The following RPAP2 variants were observed in gnomAD, a reference collection of about 807,000 sequenced individuals.
RPAP2 encodes putative RNA polymerase II subunit B1 CTD phosphatase RPAP2.
A neutral mutation model predicts 73.1 loss-of-function variants in RPAP2; 52 were observed. The ratio of observed to expected loss-of-function variants is 0.71; its 90% confidence interval spans 0.57 to 0.90. RPAP2 has a LOEUF of 0.90. Ranked by LOEUF, RPAP2 falls within the 40% of genes least tolerant of loss-of-function variation. The pLI is 0.00. For missense variants in RPAP2, 598 were observed against 701.8 expected, an observed-to-expected ratio of 0.85 and a Z score of 1.67; for synonymous variants, 225 against 242.1, an observed-to-expected ratio of 0.93 and a Z score of 0.65.
chr1:92,303,525 CAAT>C (rs879513351), intron 3 of RPAP2, among the ~76,000 whole-genome samples: 6 of 152,082 alleles, frequency 3.9e-5, no homozygotes, highest in Non-Finnish European at 7.4e-5. Context: ...TCTGCAGTAA[CAAT>C]GACACTTTTG....
At chr1:92,345,938 C>T in intron 11 of RPAP2, 24 bp downstream of exon 11, 1 of 1,470,720 alleles carries the variant, frequency 6.8e-7, no homozygotes, top group East Asian at 2.3e-5. Flanking sequence ...CAGATTTTAA[C>T]TCTAAATACT....
rs1429108232 is a variant in RPAP2 at position 92,401,575 on chromosome 1, T to C, written c.*14564T>C. The C allele has an allele frequency of 6.6e-6, 1 of 152,206 alleles. No homozygotes were observed. The highest frequency in any genetic ancestry group is 1.9e-4 in the East Asian group (1 of 5,194). 9.4% of individuals were successfully genotyped at this position (152,206 alleles called of 1,614,324 possible). A position where few individuals can be genotyped will look rare whatever the true frequency, so the allele number is the denominator to read the frequency against. Reference sequence around the variant, plus strand: ...CCTTCAGAACAATACTGGATATAAGTGGTGAAAGCACATATCCTCCCCTTG... The same window carrying C: ...CCTTCAGAACAATACTGGATATAAGCGGTGAAAGCACATATCCTCCCCTTG... On this transcript the variant is annotated 3_prime_UTR_variant, in exon 13 of 13. Coordinates refer to ENST00000610020, the MANE Select transcript of RPAP2 (RefSeq NM_024813.3).
intron 11 of RPAP2, among the ~76,000 whole-genome samples, chr1:92,358,271 G>T (rs893869386): frequency 6.6e-6 from 1 of 151,838 alleles, no homozygotes; most frequent in Non-Finnish European, 1.5e-5. Flanking sequence ...CTCCCATTCC[G>T]GTCACTCTGA....
chr1:92,352,885 T>C (rs914020174), intron 11 of RPAP2, among the ~76,000 whole-genome samples: 3 of 152,194 alleles, frequency 2.0e-5, no homozygotes, highest in African/African-American at 7.2e-5. Flanking sequence ...CTGGCAACCA[T>C]AAATCCATTC....
intron 8 of RPAP2, among the ~76,000 whole-genome samples, chr1:92,330,017 C>G (rs1652866828): frequency 6.6e-6 from 1 of 152,128 alleles, no homozygotes; most frequent in South Asian, 2.1e-4. Context: ...CCCTAGACCT[C>G]AAGGAAAAAG....
intron 11 of RPAP2, among the ~76,000 whole-genome samples, chr1:92,377,924 T>C (rs1349511006): frequency 6.6e-6 from 1 of 152,238 alleles, no homozygotes; most frequent in Non-Finnish European, 1.5e-5. Flanking sequence ...CTAAGGCAGT[T>C]GATAGAGGGG....
intron 6 of RPAP2, among the ~76,000 whole-genome samples, chr1:92,316,425 TATAAC>T (rs748942411): frequency 4.6e-5 from 7 of 152,232 alleles, no homozygotes; most frequent in South Asian, 2.1e-4. Context: ...TTGGTTTACA[TATAAC>T]ATACATATTC....
chr1:92,351,963 TTC>T (rs1654241967), intron 11 of RPAP2, among the ~76,000 whole-genome samples: 1 of 152,150 alleles, frequency 6.6e-6, no homozygotes, highest in African/African-American at 2.4e-5. Flanking sequence ...GTGTGTTGTG[TTC>T]TGTGTGAATT....
At chr1:92,301,705 C>G in intron 3 of RPAP2, 115 bp downstream of exon 3, 1 of 448,842 alleles carries the variant, frequency 2.2e-6, no homozygotes, top group Non-Finnish European at 3.9e-6. Context: ...TCATTAGATG[C>G]AGATAACAAT....
At chr1:92,301,900 A>T (rs1650881604) in intron 3 of RPAP2, among the ~76,000 whole-genome samples, 1 of 152,224 alleles carries the variant, frequency 6.6e-6, no homozygotes, top group African/African-American at 2.4e-5. Context: ...GAGGTGATAG[A>T]TATGTTAATT....
chr1:92,315,278 A>G (rs1651842762), intron 6 of RPAP2, among the ~76,000 whole-genome samples: 1 of 152,214 alleles, frequency 6.6e-6, no homozygotes, highest in African/African-American at 2.4e-5. Context: ...CAGTCAGAAC[A>G]CACACATTTA....
Position 92,324,171 on chromosome 1 carries a change from T to G in RPAP2, c.1251T>G (p.Asp417Glu). ...LDEDDIISDP[D>E]SHFPAWRESQ... ...AAGATGACATAATCTCAGATCCAGA[T>G]AGTCATTTCCCTGCCTGGAGGGAAT... Residue 417 changes from aspartate to glutamate, a missense_variant, in exon 8 of 13, where the codon GAT (aspartate) becomes GAG (glutamate). Physicochemically the swap from Asp to Glu is conservative, Grantham distance 45. Around this residue, in one of 3 missense-constraint regions of RPAP2, gnomAD observed 506 missense variants for 612.8 expected, o/e 0.83. Transcript: ENST00000610020. 3 of 1,614,164 alleles carry G rather than the reference T, an allele frequency of 1.9e-6. No individual in the cohort carries two copies. The highest frequency in any genetic ancestry group is 1.1e-5 in the South Asian group (1 of 91,086).
intron 11 of RPAP2, among the ~76,000 whole-genome samples, chr1:92,346,922 A>G (rs769151323): frequency 2.6e-5 from 4 of 152,158 alleles, no homozygotes; most frequent in Non-Finnish European, 5.9e-5. Flanking sequence ...GGACATTGAA[A>G]ACTTACCAGA....
intron 6 of RPAP2, among the ~76,000 whole-genome samples, chr1:92,312,254 T>C (rs1246719820): frequency 6.6e-6 from 1 of 151,922 alleles, no homozygotes; most frequent in Non-Finnish European, 1.5e-5. Context: ...ACAAAGTATT[T>C]AAAAAATAAA....
In RPAP2 at chr1:92,379,625, T is replaced by C. The variant is rs115485801; in HGVS notation, c.1689-1099T>C. ...AGTGCCTTACAAGACGTAATTCATT[T>C]ATTTAGTGTTTTAAAAAGAAAAATG... is the stretch of plus-strand genomic sequence containing the variant. On this transcript the variant is annotated intron_variant, in intron 11 of 12. Transcript: ENST00000610020. Among the ~76,000 whole-genome samples, 385 of 152,316 alleles carry C rather than the reference T, an allele frequency of 2.5e-3. 3 individuals carry two copies. The highest frequency in any genetic ancestry group is 9.3e-3 in the South Asian group (45 of 4,826).
At chr1:92,317,550 TAAATG>T (rs1389935107) in intron 6 of RPAP2, among the ~76,000 whole-genome samples, 2 of 152,144 alleles carry the variant, frequency 1.3e-5, no homozygotes, top group Admixed American at 1.3e-4. Context: ...GTGTGAGGAT[TAAATG>T]AAATAATGTG....
rs554473501 is a variant in RPAP2 at position 92,310,506 on chromosome 1, T to C, written c.488+3230T>C. Among the ~76,000 whole-genome samples, 14 of 152,340 alleles carry C rather than the reference T, an allele frequency of 9.2e-5. 1 individual carries two copies. In the South Asian group the frequency reaches 2.9e-3, roughly 32 times the overall value. On this transcript the variant is annotated intron_variant, in intron 6 of 12. Transcript: ENST00000610020. ...TTCTTTTAAATGGTGGCATGTAGTA[T>C]TTAATGCAGAGATATTTTTATTAGC...
Position 92,320,593 on chromosome 1 carries a change from T to C in RPAP2, c.489-6T>C. 6.2e-7 allele frequency: 1 copy of C among 1,610,642 alleles called. No homozygotes were observed. The highest frequency in any genetic ancestry group is 8.5e-7 in the Non-Finnish European group (1 of 1,177,326). ...CCTAATTTTTATTTCTGTGTTCTTA[T>C]TACAGGCATCCTGATTTTCAACTGC... On this transcript the variant is annotated splice_region_variant and splice_polypyrimidine_tract_variant and intron_variant, in intron 6 of 12. Coordinates refer to ENST00000610020, the MANE Select transcript of RPAP2 (RefSeq NM_024813.3).
rs1412341444 is a variant in RPAP2 at position 92,394,413 on chromosome 1, G to T, written c.*7402G>T. On this transcript the variant is annotated 3_prime_UTR_variant, in exon 13 of 13. Transcript: ENST00000610020. Reference sequence around the variant, plus strand: ...TGGGTGCAGCAAACCACCATGGCATGTGTATACCTATGTAACAAAACTACA... The same window carrying T: ...TGGGTGCAGCAAACCACCATGGCATTTGTATACCTATGTAACAAAACTACA... 4 of 152,084 alleles carry T rather than the reference G, an allele frequency of 2.6e-5. No individual in the cohort carries two copies. The highest frequency in any genetic ancestry group is 9.7e-5 in the African/African-American group (4 of 41,414). The allele number at this position is 152,084 out of a possible 1,614,324, so 9.4% of individuals were successfully genotyped here. A position where few individuals can be genotyped will look rare whatever the true frequency, so the allele number is the denominator to read the frequency against.
Sources: gnomAD v4.1 joint callset for allele counts (sites outside exome capture counted in the v4.1 genomes callset) on GRCh38, gnomAD v4.1.1 for gene constraint, gnomAD v4.1.1 regional missense constraint, MANE v1.5 for transcripts, NCBI Gene and HGNC (gene_info 2026-07-23, HGNC 2026-07-21) for gene names.